The following ARHGEF26 variants were observed in gnomAD, a reference collection of about 807,000 sequenced individuals.
The protein encoded by ARHGEF26 is Rho guanine nucleotide exchange factor (GEF) 26.
In ARHGEF26, 59 loss-of-function variants were observed where a neutral mutation model predicts 89.4. The observed-to-expected ratio is 0.66, with a 90% CI of 0.54 to 0.82. ARHGEF26 has a LOEUF of 0.82. ARHGEF26 is among the 40% of genes least tolerant of loss of function. The probability of loss-of-function intolerance (pLI) is 0.00; values close to 1 mark genes in which losing one functional copy is unlikely to be tolerated. For missense variants in ARHGEF26, 1,234 were observed against 1,085.6 expected, an observed-to-expected ratio of 1.14 and a Z score of -1.92; for synonymous variants, 500 against 428.4, an observed-to-expected ratio of 1.17 and a Z score of -2.06.
chr3:154,150,060 G>C (rs780407816), intron 5 of ARHGEF26, among the ~76,000 whole-genome samples: 1 of 88,684 alleles, frequency 1.1e-5, no homozygotes, highest in African/African-American at 8.1e-5. Context: ...GCATATTATT[G>C]TGTGTGTGTG....
intron 9 of ARHGEF26, among the ~76,000 whole-genome samples, chr3:154,206,190 G>A (rs1715009489): frequency 6.6e-6 from 1 of 152,060 alleles, no homozygotes; most frequent in Admixed American, 6.6e-5. Flanking sequence ...TTTGCCTTCA[G>A]CACTTGAAAT....
intron 8 of ARHGEF26, among the ~76,000 whole-genome samples, chr3:154,192,546 C>T (rs548173909): frequency 3.9e-5 from 6 of 152,354 alleles, no homozygotes; most frequent in Admixed American, 3.3e-4. Flanking sequence ...AATTCAGGAA[C>T]TTCCCCCCTG....
intron 6 of ARHGEF26, among the ~76,000 whole-genome samples, chr3:154,186,412 T>A (rs1328330689): frequency 1.3e-5 from 2 of 152,156 alleles, no homozygotes; most frequent in East Asian, 3.8e-4. Flanking sequence ...TATATACACT[T>A]GTATGTGTAT....
intron 12 of ARHGEF26, among the ~76,000 whole-genome samples, chr3:154,243,378 A>T (rs1717592963): frequency 6.6e-6 from 1 of 152,072 alleles, no homozygotes; most frequent in Admixed American, 6.5e-5. Flanking sequence ...CTCAACAGAG[A>T]TTTTCCTGAC....
chr3:154,243,950 A>G (rs139315171), intron 12 of ARHGEF26, among the ~76,000 whole-genome samples: 3 of 152,350 alleles, frequency 2.0e-5, no homozygotes, highest in South Asian at 2.1e-4. Flanking sequence ...GTTTTGAGCA[A>G]TTAGAGTTTT....
At chr3:154,199,309 T>G (rs1055711186) in intron 9 of ARHGEF26, among the ~76,000 whole-genome samples, 3 of 152,036 alleles carry the variant, frequency 2.0e-5, no homozygotes, top group Admixed American at 2.0e-4. Flanking sequence ...AATGAGAACA[T>G]GTAATGTTTG....
chr3:154,246,808 A>T (rs1160216071), intron 12 of ARHGEF26, among the ~76,000 whole-genome samples: 1 of 152,316 alleles, frequency 6.6e-6, no homozygotes, highest in South Asian at 2.1e-4. Flanking sequence ...CAACTGATGG[A>T]TTGGATGAGT....
At chr3:154,128,896 A>T (rs1415405635) in intron 3 of ARHGEF26, among the ~76,000 whole-genome samples, 1 of 152,144 alleles carries the variant, frequency 6.6e-6, no homozygotes, top group Non-Finnish European at 1.5e-5. Flanking sequence ...GACACTTATC[A>T]GCATCAAAAT....
Position 154,255,224 on chromosome 3 carries a change from A to G in ARHGEF26, c.2474-107A>G, listed in dbSNP as rs921305211. ...CTGTCCCACTTTCTCTTCTCACCGTAGCACTTAGCCTGGGGAGGGATGCTG... is the reference window on the plus strand; with the variant it reads ...CTGTCCCACTTTCTCTTCTCACCGTGGCACTTAGCCTGGGGAGGGATGCTG... On this transcript the variant is annotated intron_variant, in intron 14 of 14. Coordinates refer to ENST00000465093, the MANE Select transcript of ARHGEF26 (RefSeq NM_015595.4). The G allele has an allele frequency of 5.2e-6, 6 of 1,164,774 alleles. No homozygotes were observed. In the Admixed American group the frequency reaches 6.6e-5, roughly 13 times the overall value. 72.2% of individuals were successfully genotyped at this position (1,164,774 alleles called of 1,614,324 possible). A position where few individuals can be genotyped will look rare whatever the true frequency, so the allele number is the denominator to read the frequency against.
At chr3:154,209,565 A>G (rs1715235717) in intron 9 of ARHGEF26, among the ~76,000 whole-genome samples, 1 of 152,188 alleles carries the variant, frequency 6.6e-6, no homozygotes, top group South Asian at 2.1e-4. Context: ...ATTACCAGGT[A>G]GAGACTCTTG....
At chr3:154,248,961 C>T (rs1717953698) in intron 12 of ARHGEF26, among the ~76,000 whole-genome samples, 1 of 151,950 alleles carries the variant, frequency 6.6e-6, no homozygotes, top group Non-Finnish European at 1.5e-5. Flanking sequence ...AGGGAATGAA[C>T]AGAAACAACT....
chr3:154,161,423 T>C (rs1326788513), intron 6 of ARHGEF26, among the ~76,000 whole-genome samples: 1 of 152,150 alleles, frequency 6.6e-6, no homozygotes, highest in African/African-American at 2.4e-5. Flanking sequence ...TAAGATTGTT[T>C]TGAGGATTAA....
intron 4 of ARHGEF26, among the ~76,000 whole-genome samples, chr3:154,131,526 T>C (rs976444192): frequency 6.6e-6 from 1 of 152,158 alleles, no homozygotes; most frequent in Non-Finnish European, 1.5e-5. Flanking sequence ...CCAAAACAGA[T>C]ATGTGGAAAA....
chr3:154,213,426 A>G (rs1051897483), intron 9 of ARHGEF26, among the ~76,000 whole-genome samples: 2 of 131,952 alleles, frequency 1.5e-5, no homozygotes, highest in Non-Finnish European at 3.2e-5. Context: ...TGTCCCTTCA[A>G]AATACTAATT....
chr3:154,186,176 C>T (rs1245426711), intron 6 of ARHGEF26, among the ~76,000 whole-genome samples: 1 of 149,362 alleles, frequency 6.7e-6, no homozygotes, highest in Non-Finnish European at 1.5e-5. Context: ...CCCCTATACA[C>T]ATACTATTGT....
chr3:154,145,114 G>T (rs1265230363), intron 4 of ARHGEF26, among the ~76,000 whole-genome samples: 2 of 152,094 alleles, frequency 1.3e-5, no homozygotes, highest in African/African-American at 4.8e-5. Context: ...TTTCCTTGTG[G>T]ATGTAGTGGG....
chr3:154,159,619 G>T (rs965186691), intron 6 of ARHGEF26, among the ~76,000 whole-genome samples: 3 of 151,900 alleles, frequency 2.0e-5, no homozygotes, highest in Non-Finnish European at 4.4e-5. Flanking sequence ...TACCTTACAT[G>T]CACTTGCTTT....
At position 154,239,285 on chromosome 3, in the gene ARHGEF26, A is replaced by AGTGT. The variant is rs1717323323; in HGVS notation, c.2091-1084_2091-1083insTGTG. Among the ~76,000 whole-genome samples the AGTGT allele has an allele frequency of 2.9e-5, 3 of 104,348 alleles. No individual in the cohort carries two copies. In the South Asian group the frequency reaches 1.3e-3, roughly 44 times the overall value. 68.5% of individuals were successfully genotyped at this position (104,348 alleles called of 152,430 possible). Reference sequence around the variant, plus strand: ...GGGAGAGAGAGAGAGAGAGAGAGAGAGAGAGAGAGAGAGAGTGTGTGTGTG... The same window carrying AGTGT: ...GGGAGAGAGAGAGAGAGAGAGAGAGAGTGTGAGAGAGAGAGAGAGTGTGTGTGTG... On this transcript the variant is annotated intron_variant, in intron 11 of 14. Coordinates refer to ENST00000465093, the MANE Select transcript of ARHGEF26 (RefSeq NM_015595.4).
chr3:154,172,430 C>G (rs897070385), intron 6 of ARHGEF26, among the ~76,000 whole-genome samples: 2 of 152,234 alleles, frequency 1.3e-5, no homozygotes, highest in Non-Finnish European at 2.9e-5. Context: ...CACCATGGTG[C>G]ACACCTGTAA....
Sources: allele counts gnomAD v4.1 joint callset (sites outside exome capture counted in the v4.1 genomes callset), GRCh38; gene constraint gnomAD v4.1.1; transcripts MANE v1.5; gene names NCBI Gene and HGNC (gene_info 2026-07-23, HGNC 2026-07-21).